The following ZNF138 variants were observed in gnomAD, a reference collection of about 807,000 sequenced individuals.
ZNF138 encodes zinc finger protein 138.
A neutral mutation model predicts 33.0 loss-of-function variants in ZNF138; 33 were observed. The ratio of observed to expected loss-of-function variants is 1.00; its 90% CI spans 0.76 to 1.34. ZNF138 has a LOEUF of 1.34. Ranked by LOEUF, ZNF138 falls within the 40% of genes most tolerant of loss-of-function variation. The probability of loss-of-function intolerance (pLI) is 0.00; values close to 1 mark genes in which losing one functional copy is unlikely to be tolerated. For missense variants in ZNF138, 360 were observed against 370.8 expected (o/e 0.97, Z 0.24); for synonymous variants, 139 against 120.4 (o/e 1.15, Z -1.01).
Position 64,831,549 on chromosome 7 carries a change from A to T in ZNF138, c.307A>T (p.Lys103Ter), listed in dbSNP as rs1259739401. Residue 103 changes from lysine (K) to a stop codon, truncating the protein, a stop_gained, in exon 4 of 4, where the codon AAG (lysine) becomes TAG (stop). Coordinates refer to ENST00000307355, the MANE Select transcript of ZNF138 (RefSeq NM_001271639.2). LOFTEE classifies it high-confidence loss of function. ...GAGCAGATATGGAAAATATGGACAT[A>T]AGAATTTACAGTTAAGAAAAGGCTG... ...TLSRYGKYGH[K>*]NLQLRKGCKS... 1 of 1,613,620 alleles carries T rather than the reference A, an allele frequency of 6.2e-7. No homozygotes were observed. The highest frequency in any genetic ancestry group is 8.5e-7 in the Non-Finnish European group (1 of 1,179,836).
At chr7:64,826,265 G>A (rs1269538761) in intron 3 of ZNF138, among the ~76,000 whole-genome samples, 1 of 151,812 alleles carries the variant, frequency 6.6e-6, no homozygotes, top group Non-Finnish European at 1.5e-5. Flanking sequence ...GTAGTGACGT[G>A]CTTTGATTAT....
At position 64,831,587 on chromosome 7, in the gene ZNF138, T is replaced by C; in HGVS notation, c.345T>C (p.Asp115=). 6.2e-7 allele frequency: 1 copy of C among 1,613,552 alleles called. No individual in the cohort carries two copies. The highest frequency in any genetic ancestry group is 2.2e-5 in the East Asian group (1 of 44,848). The change falls in exon 4 of 4, where the codon GAT becomes GAC. Residue 115 remains aspartate, a synonymous_variant. Transcript: ENST00000307355. ...TAAGAAAAGGCTGTAAAAGTGTGGA[T>C]GAGTGTAAGGGACACCAAGGAGGTT... The part of the protein sequence containing the change: ...LQLRKGCKSV[D]ECKGHQGGFN...
chr7:64,843,509 T>C, the ZNF138 span, among the ~76,000 whole-genome samples: 1 of 151,712 alleles, frequency 6.6e-6, no homozygotes. Context: ...GTTGATATAG[T>C]TTTTTTTGCT....
chr7:64,831,231 C>T (rs964221094), intron 3 of ZNF138, among the ~76,000 whole-genome samples: 1 of 152,132 alleles, frequency 6.6e-6, no homozygotes, highest in Admixed American at 6.5e-5. Context: ...TTGCATTGTG[C>T]AAACCTGGGG....
At chr7:64,807,188 T>C (rs1787672982) in intron 1 of ZNF138, among the ~76,000 whole-genome samples, 1 of 152,184 alleles carries the variant, frequency 6.6e-6, no homozygotes, top group South Asian at 2.1e-4. Flanking sequence ...TGGGTAAATC[T>C]CTGTTCAGGG....
intron 3 of ZNF138, among the ~76,000 whole-genome samples, chr7:64,828,000 G>T (rs1228504825): frequency 1.3e-5 from 2 of 151,926 alleles, no homozygotes; most frequent in African/African-American, 4.8e-5. Context: ...TATTATCCTT[G>T]TGTTTTTTAT....
At chr7:64,799,286 C>T (rs191763320) in intron 1 of ZNF138, among the ~76,000 whole-genome samples, 1 of 152,136 alleles carries the variant, frequency 6.6e-6, no homozygotes, top group Admixed American at 6.5e-5. Flanking sequence ...CCTGCCGCAG[C>T]CTCCTGAGTA....
intron 3 of ZNF138, among the ~76,000 whole-genome samples, chr7:64,822,995 C>T (rs1413487255): frequency 6.6e-6 from 1 of 152,118 alleles, no homozygotes; most frequent in East Asian, 1.9e-4. Flanking sequence ...ATTCTCCTGC[C>T]TCAGCCTCCT....
At chr7:64,852,720 A>T in the ZNF138 span, 3 of 1,085,828 alleles carry the variant, frequency 2.8e-6, no homozygotes, top group East Asian at 7.1e-5. Context: ...ATATCCAGCC[A>T]CTGATGCACA....
chr7:64,827,469 C>A (rs1171268115), intron 3 of ZNF138, among the ~76,000 whole-genome samples: 2 of 151,406 alleles, frequency 1.3e-5, no homozygotes. Context: ...TGGTCTCGAT[C>A]TCCTGACCTC....
the ZNF138 span, among the ~76,000 whole-genome samples, chr7:64,855,448 T>TTA: frequency 8.3e-5 from 1 of 12,026 alleles, no homozygotes; most frequent in African/African-American, 3.5e-4. Context: ...TATTTTATCT[T>TTA]GCGTGCAAAA....
chr7:64,807,715 T>C lies in ZNF138; in HGVS notation c.4-7203T>C, dbSNP rs988152020. ...TTTTCTGCGTTGTGAGATGTCAACA[T>C]AGACATCTTAAAGCCCCGCTTTGGG... On this transcript the variant is annotated intron_variant, in intron 1 of 3. Transcript: ENST00000307355. Among the ~76,000 whole-genome samples, 7 of 152,338 alleles carry C rather than the reference T, an allele frequency of 4.6e-5. No individual in the cohort carries two copies. The East Asian group carries it at 9.6e-4, about 21-fold the overall frequency.
the ZNF138 span, among the ~76,000 whole-genome samples, chr7:64,840,018 C>A: frequency 6.6e-6 from 1 of 151,892 alleles, no homozygotes; most frequent in Non-Finnish European, 1.5e-5. Context: ...GGTTGAGTTT[C>A]GCGCTTCTGA....
chr7:64,816,568 C>T (rs1270956796), intron 3 of ZNF138, among the ~76,000 whole-genome samples: 1 of 151,988 alleles, frequency 6.6e-6, no homozygotes, highest in African/African-American at 2.4e-5. Flanking sequence ...GTATATTTAT[C>T]AGTATTGACA....
chr7:64,832,720 A>G lies in ZNF138; in HGVS notation c.*518A>G. 2.2e-6 allele frequency: 1 copy of G among 446,366 alleles called. No homozygotes were observed. The highest frequency in any genetic ancestry group is 4.5e-6 in the Non-Finnish European group (1 of 221,526). The allele number at this position is 446,366 out of a possible 1,614,324, so 27.7% of individuals were successfully genotyped here. On this transcript the variant is annotated 3_prime_UTR_variant, in exon 4 of 4. Coordinates refer to ENST00000307355, the MANE Select transcript of ZNF138 (RefSeq NM_001271639.2). Reference sequence around the variant, plus strand: ...AAGAAGTCCTCAACTCTTACTGCACATAAGATCATTCATACTGGAGAGAAA... The same window carrying G: ...AAGAAGTCCTCAACTCTTACTGCACGTAAGATCATTCATACTGGAGAGAAA...
chr7:64,815,011 A>G lies in ZNF138; in HGVS notation c.97A>G (p.Met33Val). 1 of 1,611,114 alleles carries G rather than the reference A, an allele frequency of 6.2e-7. No individual in the cohort carries two copies. The highest frequency in any genetic ancestry group is 8.5e-7 in the Non-Finnish European group (1 of 1,178,520). ...ACAGCGGAATGTATATAGGCATGTGATGTTAGAGAACTACAGAAACCTGGT... is the reference window on the plus strand; with the variant it reads ...ACAGCGGAATGTATATAGGCATGTGGTGTTAGAGAACTACAGAAACCTGGT... ...TAQRNVYRHV[M>V]LENYRNLVFL... The change falls in exon 2 of 4, where the codon ATG (methionine) becomes GTG (valine). Residue 33 changes from methionine to valine, a missense_variant. Transcript: ENST00000307355.
rs1175190778 is a variant in ZNF138, at chr7:64,832,936, G to A, written c.*734G>A. The stretch of plus-strand genomic sequence containing the variant: ...AAACCCTACAAATGTGAACGATGTG[G>A]CAGTTGTTTTAACTAGTTCTCGAAC... On this transcript the variant is annotated 3_prime_UTR_variant, in exon 4 of 4. Coordinates refer to ENST00000307355, the MANE Select transcript of ZNF138 (RefSeq NM_001271639.2). 3 of 386,536 alleles carry A rather than the reference G, an allele frequency of 7.8e-6. No individual in the cohort carries two copies. The highest frequency in any genetic ancestry group is 1.6e-5 in the Non-Finnish European group (3 of 191,866). 23.9% of individuals were successfully genotyped at this position (386,536 alleles called of 1,614,324 possible).
At chr7:64,845,358 T>C in the ZNF138 span, among the ~76,000 whole-genome samples, 2 of 152,268 alleles carry the variant, frequency 1.3e-5, no homozygotes, top group African/African-American at 2.4e-5. Flanking sequence ...TTCACATTTT[T>C]GCAATTGCAA....
the ZNF138 span, chr7:64,853,168 G>C: frequency 1.3e-6 from 2 of 1,552,372 alleles, no homozygotes; most frequent in Admixed American, 1.7e-5. Flanking sequence ...CCAATGCCAA[G>C]CCTTGGCATA....
Sources: allele counts gnomAD v4.1 joint callset (sites outside exome capture counted in the v4.1 genomes callset), GRCh38; gene constraint gnomAD v4.1.1; transcripts MANE v1.5; gene names NCBI Gene and HGNC (gene_info 2026-07-23, HGNC 2026-07-21).